PRELID2: variants seen among roughly 807,000 people sequenced by gnomAD.
PRELID2 encodes the protein PRELI domain-containing protein 2.
A neutral mutation model predicts 28.4 loss-of-function variants in PRELID2; 25 were observed. The ratio of observed to expected loss-of-function variants is 0.88; its 90% CI spans 0.64 to 1.23. The LOEUF is 1.23. PRELID2 is among the 50% of genes most tolerant of loss of function. The pLI, the probability that PRELID2 is intolerant of heterozygous loss-of-function variation, is 0.00. For synonymous variants in PRELID2, 76 were observed against 71.6 expected (o/e 1.06, Z -0.31); for missense variants, 201 against 214.4 (o/e 0.94, Z 0.39).
At chr5:145,538,324 C>G (rs1752719079) in intron 1 of PRELID2, among the ~76,000 whole-genome samples, 1 of 151,726 alleles carries the variant, frequency 6.6e-6, no homozygotes, top group Admixed American at 6.6e-5. Context: ...GCTTTGCATA[C>G]TTGGGGTCCT....
intron 1 of PRELID2, among the ~76,000 whole-genome samples, chr5:145,512,357 T>G (rs1269527431): frequency 6.6e-6 from 1 of 152,130 alleles, no homozygotes; most frequent in Non-Finnish European, 1.5e-5. Context: ...GGTTTTCCCC[T>G]CACAGTGTAA....
At position 145,740,855 on chromosome 5, in the gene PRELID2, TACATATATTTATCG is replaced by T. The variant is rs1561566873; in HGVS notation, n.70+24062_70+24075del. Among the ~76,000 whole-genome samples the T allele has an allele frequency of 3.2e-3, 97 of 30,360 alleles. 18 individuals are homozygous for T. The highest frequency in any genetic ancestry group is 8.5e-3 in the African/African-American group (90 of 10,640). 19.9% of individuals were successfully genotyped at this position (30,360 alleles called of 152,430 possible). A position where few individuals can be genotyped will look rare whatever the true frequency, so the allele number is the denominator to read the frequency against. ...ATATATTTATCGATAAATATATATG[TACATATATTTATCG>T]ATAAATATATATGTACATATATTTA... On this transcript the variant is annotated intron_variant and non_coding_transcript_variant, in intron 1 of 2. Coordinates refer to the PRELID2 transcript ENST00000510259.
At chr5:145,710,568 T>A (rs561893316) in intron 1 of PRELID2, among the ~76,000 whole-genome samples, 1 of 152,296 alleles carries the variant, frequency 6.6e-6, no homozygotes, top group South Asian at 2.1e-4. Flanking sequence ...GAACTATGGC[T>A]AAAACAGAGA....
intron 1 of PRELID2, among the ~76,000 whole-genome samples, chr5:145,636,623 A>G (rs1754006521): frequency 6.6e-6 from 1 of 152,252 alleles, no homozygotes; most frequent in Non-Finnish European, 1.5e-5. Flanking sequence ...GCCAGTTCTC[A>G]GCCACTAGGC....
intron 1 of PRELID2, among the ~76,000 whole-genome samples, chr5:145,625,091 C>T (rs573272639): frequency 3.9e-5 from 6 of 152,170 alleles, no homozygotes; most frequent in East Asian, 3.9e-4. Flanking sequence ...TTGGCTAATA[C>T]GTAAGGATCT....
intron 1 of PRELID2, among the ~76,000 whole-genome samples, chr5:145,668,365 TA>T (rs200831248): frequency 0.15 from 21,876 of 141,382 alleles, 2,362 homozygotes; most frequent in African/African-American, 0.31. Context: ...TGAAGGTGGT[TA>T]AAAAAAAAAA....
the PRELID2 span, among the ~76,000 whole-genome samples, chr5:145,283,934 G>A: frequency 6.6e-6 from 1 of 152,082 alleles, no homozygotes; most frequent in African/African-American, 2.4e-5. Context: ...TGGGGGGAAG[G>A]TGGTGTTTTT....
chr5:145,741,491 A>ATTTATATATAAAATTTATTTATAAATTAT (rs1561567899), intron 1 of PRELID2, among the ~76,000 whole-genome samples: 2 of 100,954 alleles, frequency 2.0e-5, no homozygotes, highest in East Asian at 4.5e-4. Flanking sequence ...TTATAAATAA[A>ATTTATATATAAAATTTATTTATAAATTAT]TTATATATAA....
At chr5:145,330,281 G>C in the PRELID2 span, among the ~76,000 whole-genome samples, 266 of 152,310 alleles carry the variant, frequency 1.7e-3, 1 homozygote, top group African/African-American at 6.2e-3. Context: ...GATGATGTTT[G>C]CCTCATAAAA....
chr5:145,709,074 G>C (rs1339601155), intron 1 of PRELID2, among the ~76,000 whole-genome samples: 2 of 152,194 alleles, frequency 1.3e-5, no homozygotes, highest in African/African-American at 4.8e-5. Flanking sequence ...CCCTAGACCT[G>C]ACTGCAAGAC....
At chr5:145,446,983 A>G in the PRELID2 span, among the ~76,000 whole-genome samples, 1 of 151,938 alleles carries the variant, frequency 6.6e-6, no homozygotes, top group African/African-American at 2.4e-5. Flanking sequence ...TGGGAGGTGG[A>G]GGTTGCAGTG....
chr5:145,765,743 C>T (rs1757711261), intron 5 of PRELID2, among the ~76,000 whole-genome samples: 1 of 152,186 alleles, frequency 6.6e-6, no homozygotes, highest in Admixed American at 6.5e-5. Context: ...CACTACAATA[C>T]CGCCTGCAGG....
At chr5:145,659,092 T>G (rs1754445618) in intron 1 of PRELID2, among the ~76,000 whole-genome samples, 1 of 151,862 alleles carries the variant, frequency 6.6e-6, no homozygotes, top group East Asian at 1.9e-4. Context: ...GAGGCTGGAG[T>G]TAGGGAAGGG....
At chr5:145,744,371 G>A (rs1404033582) in intron 1 of PRELID2, among the ~76,000 whole-genome samples, 2 of 152,196 alleles carry the variant, frequency 1.3e-5, no homozygotes, top group Non-Finnish European at 2.9e-5. Flanking sequence ...CGTTAAATGG[G>A]TCCCGTTCCC....
At chr5:145,400,843 C>T in the PRELID2 span, among the ~76,000 whole-genome samples, 1 of 152,108 alleles carries the variant, frequency 6.6e-6, no homozygotes, top group Non-Finnish European at 1.5e-5. Flanking sequence ...CAAAGCATTC[C>T]TTCCTGGGAT....
chr5:145,510,704 T>G (rs1752453751), intron 1 of PRELID2, among the ~76,000 whole-genome samples: 1 of 152,190 alleles, frequency 6.6e-6, no homozygotes, highest in South Asian at 2.1e-4. Flanking sequence ...TGCATTTGCT[T>G]TTCTATCTTT....
intron 1 of PRELID2, among the ~76,000 whole-genome samples, chr5:145,736,773 G>A (rs1756508280): frequency 6.6e-6 from 1 of 152,162 alleles, no homozygotes; most frequent in African/African-American, 2.4e-5. Flanking sequence ...TGGGAAAACA[G>A]ACTTTGTTTT....
chr5:145,835,101 G>C (rs569299133), intron 1 of PRELID2, 76 bp downstream of exon 1: 10 of 1,017,830 alleles, frequency 9.8e-6, no homozygotes, highest in Middle Eastern at 2.4e-4. Flanking sequence ...GCCAGCTTCC[G>C]CGTGGATGAA....
At chr5:145,543,079 G>T (rs192035149) in intron 1 of PRELID2, among the ~76,000 whole-genome samples, 8 of 152,170 alleles carry the variant, frequency 5.3e-5, no homozygotes, top group African/African-American at 1.7e-4. Context: ...CCTCCTCAGG[G>T]AGAGCTTTCC....
Sources: gnomAD v4.1 joint callset for allele counts (sites outside exome capture counted in the v4.1 genomes callset) on GRCh38, gnomAD v4.1.1 for gene constraint, MANE v1.5 for transcripts, NCBI Gene and HGNC (gene_info 2026-07-23, HGNC 2026-07-21) for gene names.